ZBTB20: variants seen among roughly 807,000 people sequenced by gnomAD.
The protein encoded by ZBTB20 is zinc finger and BTB domain containing 20.
Under a neutral mutation model 56.9 loss-of-function variants are expected in ZBTB20, and 9 were observed. That is an observed-to-expected ratio of 0.16 (90% confidence interval 0.10 to 0.28). The LOEUF (loss-of-function observed/expected upper bound fraction) is 0.28. Ranked by LOEUF, ZBTB20 falls within the 10% of genes least tolerant of loss-of-function variation. The pLI is 1.00. For missense variants in ZBTB20, 655 were observed against 1,003.0 expected (o/e 0.65, Z 4.69); for synonymous variants, 417 against 420.7 (o/e 0.99, Z 0.11).
chr3:115,015,307 T>G (rs1185588421), intron 2 of ZBTB20, among the ~76,000 whole-genome samples: 1 of 151,808 alleles, frequency 6.6e-6, no homozygotes, highest in Non-Finnish European at 1.5e-5. Context: ...CTGATAAATA[T>G]TTTTTTCAAC....
intron 2 of ZBTB20, chr3:115,027,538 A>G (rs2080475518): frequency 1.3e-5 from 2 of 150,924 alleles, no homozygotes; most frequent in Non-Finnish European, 3.0e-5. Context: ...AGGCTTCTTG[A>G]CTATATCCTA....
At chr3:114,432,651 C>T (rs753520584) in intron 7 of ZBTB20, among the ~76,000 whole-genome samples, 1 of 152,194 alleles carries the variant, frequency 6.6e-6, no homozygotes, top group Admixed American at 6.5e-5. Flanking sequence ...TGAGGAGGGA[C>T]TGGCTCTCTG....
At chr3:114,770,097 G>A (rs2069091669) in intron 5 of ZBTB20, among the ~76,000 whole-genome samples, 1 of 151,496 alleles carries the variant, frequency 6.6e-6, no homozygotes, top group South Asian at 2.1e-4. Flanking sequence ...TGGGGTCTTG[G>A]AGGAAAGAGT....
intron 5 of ZBTB20, chr3:114,758,898 G>T (rs2068223002): frequency 1.3e-5 from 2 of 151,992 alleles, no homozygotes; most frequent in South Asian, 4.2e-4. Context: ...ACACTTACCT[G>T]CACAAGTCTG....
intron 6 of ZBTB20, among the ~76,000 whole-genome samples, chr3:114,550,304 A>G (rs1169175960): frequency 6.6e-6 from 1 of 152,170 alleles, no homozygotes; most frequent in Non-Finnish European, 1.5e-5. Context: ...CGCAATTAAA[A>G]TATTTCCTCA....
chr3:114,454,209 A>AGAGAGAGAGAGG (rs2091851210), intron 7 of ZBTB20, among the ~76,000 whole-genome samples: 1 of 129,928 alleles, frequency 7.7e-6, no homozygotes, highest in Non-Finnish European at 1.7e-5. Flanking sequence ...AGAGAGAGAG[A>AGAGAGAGAGAGG]GAAATTGGAG....
At chr3:114,688,124 G>A (rs1215061397) in intron 6 of ZBTB20, 1 of 152,112 alleles carries the variant, frequency 6.6e-6, no homozygotes, top group Non-Finnish European at 1.5e-5. Flanking sequence ...CAGCTACTTG[G>A]GAGGCTAAGG....
At chr3:114,466,485 C>G (rs2092559675) in intron 7 of ZBTB20, among the ~76,000 whole-genome samples, 1 of 152,138 alleles carries the variant, frequency 6.6e-6, no homozygotes, top group Non-Finnish European at 1.5e-5. Flanking sequence ...AGACTTTGCT[C>G]CCTCTTAGGA....
At chr3:114,831,285 A>G (rs2073830600) in intron 4 of ZBTB20, among the ~76,000 whole-genome samples, 1 of 151,820 alleles carries the variant, frequency 6.6e-6, no homozygotes, top group Non-Finnish European at 1.5e-5. Flanking sequence ...ATAGTGGATA[A>G]GGGCGCAAGC....
chr3:114,561,157 G>C (rs1184968340), intron 6 of ZBTB20, among the ~76,000 whole-genome samples: 1 of 152,076 alleles, frequency 6.6e-6, no homozygotes, highest in Non-Finnish European at 1.5e-5. Flanking sequence ...TCTAATTCTA[G>C]TTCTCTTGTT....
rs768181566 is a variant in ZBTB20 at position 114,316,523 on chromosome 3, T to A, written c.*22482A>T. Reference sequence around the variant, plus strand: ...AATATATACACTATATATATGTGGATACATATAGGAAGTGTGTATACATTT... The same window carrying A: ...AATATATACACTATATATATGTGGAAACATATAGGAAGTGTGTATACATTT... On this transcript the variant is annotated 3_prime_UTR_variant, in exon 12 of 12. Transcript: ENST00000675478. 1.3e-5 allele frequency: 7 copies of A among 532,990 alleles called. No individual in the cohort carries two copies. In the East Asian group the frequency reaches 3.3e-4, roughly 25 times the overall value. 33.0% of individuals were successfully genotyped at this position (532,990 alleles called of 1,614,324 possible).
At chr3:115,001,088 C>CAA (rs200876162) in intron 2 of ZBTB20, among the ~76,000 whole-genome samples, 1,255 of 85,788 alleles carry the variant, frequency 0.015, 8 homozygotes, top group Middle Eastern at 0.029. Flanking sequence ...TCCCACAAAT[C>CAA]AAAAAAAAAA....
At chr3:114,382,518 T>C (rs975981121) in intron 8 of ZBTB20, among the ~76,000 whole-genome samples, 14 of 152,200 alleles carry the variant, frequency 9.2e-5, no homozygotes, top group African/African-American at 3.4e-4. Context: ...TATCCCATAT[T>C]TCATCTCTGC....
intron 4 of ZBTB20, among the ~76,000 whole-genome samples, chr3:114,831,087 CTTTTTTTT>C (rs57265260): frequency 1.8e-4 from 10 of 55,552 alleles, no homozygotes; most frequent in African/African-American, 3.4e-4. Context: ...TTTCTTTCTT[CTTTTTTTT>C]TTTTTTTTTT....
chr3:114,850,601 A>G (rs648806), intron 4 of ZBTB20, among the ~76,000 whole-genome samples: 141,438 of 152,208 alleles, frequency 0.93, 65,886 homozygotes, highest in East Asian at 1. Context: ...TAAGTAACTT[A>G]CCCAAGGCCC....
intron 5 of ZBTB20, among the ~76,000 whole-genome samples, chr3:114,778,701 G>A (rs888983183): frequency 2.6e-5 from 4 of 152,076 alleles, no homozygotes; most frequent in East Asian, 1.9e-4. Context: ...TGCTGGCTGC[G>A]TTCTCTAGTA....
chr3:114,520,697 C>T (rs2046542958), intron 6 of ZBTB20, among the ~76,000 whole-genome samples: 1 of 152,124 alleles, frequency 6.6e-6, no homozygotes, highest in Admixed American at 6.5e-5. Context: ...CCTTTCAAAT[C>T]TGTATCTTGA....
At chr3:115,043,158 A>C (rs1009970665) in intron 2 of ZBTB20, among the ~76,000 whole-genome samples, 1 of 152,226 alleles carries the variant, frequency 6.6e-6, no homozygotes, top group African/African-American at 2.4e-5. Context: ...ATAATGCTTT[A>C]AATATTGAAC....
intron 5 of ZBTB20, among the ~76,000 whole-genome samples, chr3:114,797,832 G>A (rs2071427435): frequency 6.6e-6 from 1 of 151,794 alleles, no homozygotes. Context: ...AAGACTTAAG[G>A]CCACTAACTT....
Sources: allele counts gnomAD v4.1 joint callset (sites outside exome capture counted in the v4.1 genomes callset), GRCh38; gene constraint gnomAD v4.1.1; transcripts MANE v1.5; gene names NCBI Gene and HGNC (gene_info 2026-07-23, HGNC 2026-07-21).